The following SNTB2 variants were observed in gnomAD, a reference collection of about 807,000 sequenced individuals.
SNTB2 encodes syntrophin beta 2.
A neutral mutation model predicts 46.2 loss-of-function variants in SNTB2; 34 were observed. The observed-to-expected ratio is 0.74, with a 90% CI of 0.56 to 0.98. SNTB2 has a LOEUF of 0.98. SNTB2 is among the 50% of genes least tolerant of loss of function. SNTB2 has a pLI of 0.00. For synonymous variants in SNTB2, 290 were observed against 312.6 expected, an observed-to-expected ratio of 0.93 and a Z score of 0.76; for missense variants, 603 against 731.4, an observed-to-expected ratio of 0.82 and a Z score of 2.02.
chr16:69,205,291 A>G (rs548826792), intron 1 of SNTB2, among the ~76,000 whole-genome samples: 1 of 150,358 alleles, frequency 6.7e-6, no homozygotes, highest in Non-Finnish European at 1.5e-5. Context: ...CTAGGACTAC[A>G]GGCACGCGCC....
chr16:69,198,706 G>C (rs1057116547), intron 1 of SNTB2, among the ~76,000 whole-genome samples: 1 of 152,090 alleles, frequency 6.6e-6, no homozygotes, highest in Non-Finnish European at 1.5e-5. Flanking sequence ...ATTTCGGATG[G>C]CTGTTAACTT....
chr16:69,211,848 A>C (rs566462634), intron 1 of SNTB2, among the ~76,000 whole-genome samples: 26 of 152,212 alleles, frequency 1.7e-4, no homozygotes, highest in Non-Finnish European at 3.7e-4. Flanking sequence ...TTCTTCAAAA[A>C]TAAACCCTTA....
At chr16:69,214,299 T>A (rs970730547) in intron 1 of SNTB2, among the ~76,000 whole-genome samples, 1 of 149,900 alleles carries the variant, frequency 6.7e-6, no homozygotes, top group East Asian at 2.0e-4. Flanking sequence ...CCTGGCTAAT[T>A]TTTTTGTATT....
chr16:69,285,591 C>A (rs1467356892), intron 5 of SNTB2, among the ~76,000 whole-genome samples: 1 of 150,560 alleles, frequency 6.6e-6, no homozygotes. Flanking sequence ...AAGTGATCCT[C>A]CCTCAAGCCT....
intron 5 of SNTB2, among the ~76,000 whole-genome samples, chr16:69,297,616 C>CAA (rs35953183): frequency 2.3e-4 from 29 of 123,602 alleles, no homozygotes; most frequent in African/African-American, 3.2e-4. Flanking sequence ...ACTCTGTCTC[C>CAA]AAAAAAAAAA....
intron 1 of SNTB2, among the ~76,000 whole-genome samples, chr16:69,214,223 C>T (rs530111487): frequency 1.3e-5 from 2 of 150,238 alleles, no homozygotes; most frequent in Admixed American, 6.6e-5. Context: ...CTCCATCTCT[C>T]AGGTTCAAGT....
intron 1 of SNTB2, among the ~76,000 whole-genome samples, chr16:69,188,999 G>A (rs185072666): frequency 2.2e-4 from 33 of 152,296 alleles, no homozygotes; most frequent in African/African-American, 7.2e-4. Context: ...AAGGACAGAA[G>A]GGAAGGGCTG....
chr16:69,277,912 T>G (rs1034592780), intron 4 of SNTB2, among the ~76,000 whole-genome samples: 3 of 152,242 alleles, frequency 2.0e-5, no homozygotes, highest in Non-Finnish European at 2.9e-5. Context: ...CCAGGAGTGG[T>G]GGCTCATGCC....
chr16:69,281,935 C>A (rs1340490286), intron 4 of SNTB2, among the ~76,000 whole-genome samples: 1 of 138,986 alleles, frequency 7.2e-6, no homozygotes, highest in African/African-American at 2.7e-5. Context: ...GAGGGAGTCT[C>A]GCTCTTGTTG....
chr16:69,240,007 A>T (rs1341946702), intron 1 of SNTB2, among the ~76,000 whole-genome samples: 3 of 152,112 alleles, frequency 2.0e-5, no homozygotes, highest in African/African-American at 7.2e-5. Context: ...TAGCTGTATC[A>T]CAGTTTATCC....
intron 2 of SNTB2, among the ~76,000 whole-genome samples, chr16:69,250,482 A>C (rs1964715481): frequency 6.6e-6 from 1 of 152,250 alleles, no homozygotes; most frequent in African/African-American, 2.4e-5. Flanking sequence ...TTATTATTAT[A>C]GGCATTGTTA....
chr16:69,283,183 A>G (rs1170447098), intron 4 of SNTB2, among the ~76,000 whole-genome samples: 1 of 152,204 alleles, frequency 6.6e-6, no homozygotes, highest in African/African-American at 2.4e-5. Context: ...TTGGTCTCAA[A>G]ATCCTGGTCT....
chr16:69,209,254 G>A (rs1964255096), intron 1 of SNTB2, among the ~76,000 whole-genome samples: 1 of 152,096 alleles, frequency 6.6e-6, no homozygotes, highest in Non-Finnish European at 1.5e-5. Flanking sequence ...ACCATGCCTG[G>A]CCAAATTTTT....
intron 2 of SNTB2, among the ~76,000 whole-genome samples, chr16:69,259,276 T>G (rs984747316): frequency 7.6e-5 from 11 of 144,454 alleles, no homozygotes; most frequent in Non-Finnish European, 1.1e-4. Flanking sequence ...AGACAGAGTT[T>G]CGCTCTGTCA....
In SNTB2 at chr16:69,269,328, C is replaced by A. The variant is rs577413994; in HGVS notation, c.1006-815C>A. 4.6e-5 allele frequency among the ~76,000 whole-genome samples: 7 copies of A among 151,602 alleles called. No homozygotes were observed. In the East Asian group the frequency reaches 1.2e-3, roughly 25 times the overall value. On this transcript the variant is annotated intron_variant, in intron 3 of 6. Coordinates refer to ENST00000336278, the MANE Select transcript of SNTB2 (RefSeq NM_006750.4). ...GGTCAGGAGATCGAGACCATCCCGGCCAACATGGTGAAACCCCATCTCTAC... is the reference window on the plus strand; with the variant it reads ...GGTCAGGAGATCGAGACCATCCCGGACAACATGGTGAAACCCCATCTCTAC...
chr16:69,241,453 G>C (rs1328104784), intron 1 of SNTB2, among the ~76,000 whole-genome samples: 1 of 150,754 alleles, frequency 6.6e-6, no homozygotes, highest in Non-Finnish European at 1.5e-5. Flanking sequence ...TGGGATTACA[G>C]GTGTGAGCCA....
intron 5 of SNTB2, among the ~76,000 whole-genome samples, chr16:69,291,834 G>T (rs1342126103): frequency 6.6e-6 from 1 of 152,110 alleles, no homozygotes; most frequent in Non-Finnish European, 1.5e-5. Context: ...AGCTACTCAG[G>T]TGGCTGAAGT....
chr16:69,190,451 G>A (rs551351826), intron 1 of SNTB2, among the ~76,000 whole-genome samples: 1 of 152,316 alleles, frequency 6.6e-6, no homozygotes, highest in South Asian at 2.1e-4. Context: ...CATGCCAGAG[G>A]CACTTGAAGA....
At chr16:69,190,136 C>G (rs1597165878) in intron 1 of SNTB2, among the ~76,000 whole-genome samples, 1 of 152,256 alleles carries the variant, frequency 6.6e-6, no homozygotes, top group East Asian at 1.9e-4. Flanking sequence ...GAGCTGGTGT[C>G]CCATCCAGGT....
Sources: gnomAD v4.1 joint callset for allele counts (sites outside exome capture counted in the v4.1 genomes callset) on GRCh38, gnomAD v4.1.1 for gene constraint, MANE v1.5 for transcripts, NCBI Gene and HGNC (gene_info 2026-07-23, HGNC 2026-07-21) for gene names.